The following ERO1B variants were observed in gnomAD, a reference collection of about 807,000 sequenced individuals.
ERO1B encodes endoplasmic reticulum oxidoreductase 1 beta, also known as ERO1-like protein beta.
In ERO1B, 49 loss-of-function variants were observed where a neutral mutation model predicts 75.3. The observed-to-expected ratio is 0.65, with a 90% CI of 0.52 to 0.83. The LOEUF (loss-of-function observed/expected upper bound fraction) is 0.83, where lower values mean the gene tolerates loss of function less well. Ranked by LOEUF, ERO1B falls within the 40% of genes least tolerant of loss-of-function variation. The pLI is 0.00. For missense variants in ERO1B, 512 were observed against 560.1 expected, an observed-to-expected ratio of 0.91 and a Z score of 0.87; for synonymous variants, 191 against 192.9, an observed-to-expected ratio of 0.99 and a Z score of 0.08.
At position 236,258,934 on chromosome 1, in the gene ERO1B, A is replaced by G. The variant is rs150649097; in HGVS notation, c.223-5429T>C. On this transcript the variant is annotated intron_variant, in intron 2 of 15. Coordinates refer to ENST00000354619, the MANE Select transcript of ERO1B (RefSeq NM_019891.4). ...ATTAGAAAACATAAAACTCACTAGT[A>G]AAAGTAAGCATACAAACTCAGAACA... 4.5e-3 allele frequency among the ~76,000 whole-genome samples: 690 copies of G among 152,312 alleles called. 6 individuals are homozygous for G. The highest frequency in any genetic ancestry group is 0.015 in the African/African-American group (642 of 41,568).
chr1:236,254,199 A>G (rs1223980116), intron 2 of ERO1B, among the ~76,000 whole-genome samples: 2 of 152,166 alleles, frequency 1.3e-5, no homozygotes, highest in Non-Finnish European at 2.9e-5. Context: ...GGATTTTCCT[A>G]TTCTACACAT....
intron 10 of ERO1B, among the ~76,000 whole-genome samples, chr1:236,227,949 T>C (rs1423980594): frequency 6.6e-6 from 1 of 152,234 alleles, no homozygotes; most frequent in African/African-American, 2.4e-5. Context: ...ATGTTTACGA[T>C]AACAATGGAT....
intron 6 of ERO1B, among the ~76,000 whole-genome samples, chr1:236,237,628 T>C (rs1340341629): frequency 6.6e-6 from 1 of 152,222 alleles, no homozygotes; most frequent in Non-Finnish European, 1.5e-5. Flanking sequence ...ATATGCTTAC[T>C]ACCGTTTGTT....
rs532595454 is a variant in ERO1B at position 236,257,591 on chromosome 1, T to C, written c.223-4086A>G. Among the ~76,000 whole-genome samples the C allele has an allele frequency of 2.8e-5, 4 of 144,030 alleles. No homozygotes were observed. The East Asian group carries it at 1.2e-3, about 42-fold the overall frequency. The allele number at this position is 144,030 out of a possible 152,430, so 94.5% of individuals were successfully genotyped here. A position where few individuals can be genotyped will look rare whatever the true frequency, so the allele number is the denominator to read the frequency against. On this transcript the variant is annotated intron_variant, in intron 2 of 15. Coordinates refer to ENST00000354619, the MANE Select transcript of ERO1B (RefSeq NM_019891.4). Reference sequence around the variant, plus strand: ...AAAAAAAGAACAAGACAATCTCAATTAGAAGCCAACCCTACTGAAAGGAAG... The same window carrying C: ...AAAAAAAGAACAAGACAATCTCAATCAGAAGCCAACCCTACTGAAAGGAAG...
At chr1:236,276,702 GAATA>G (rs1665716630) in intron 1 of ERO1B, among the ~76,000 whole-genome samples, 1 of 152,108 alleles carries the variant, frequency 6.6e-6, no homozygotes, top group South Asian at 2.1e-4. Flanking sequence ...AGCAAAGGAA[GAATA>G]AATTAAATCT....
At chr1:236,242,347 A>AGAGT (rs147504455) in intron 6 of ERO1B, among the ~76,000 whole-genome samples, 10,436 of 152,230 alleles carry the variant, frequency 0.069, 735 homozygotes, top group East Asian at 0.39. Context: ...AGCAAATGTG[A>AGAGT]AAGGAGAGGT....
chr1:236,239,603 C>T (rs1326171573), intron 6 of ERO1B, among the ~76,000 whole-genome samples: 1 of 151,824 alleles, frequency 6.6e-6, no homozygotes, highest in Non-Finnish European at 1.5e-5. Flanking sequence ...ATTTGTTCAA[C>T]TGAAACTTGT....
intron 9 of ERO1B, among the ~76,000 whole-genome samples, chr1:236,231,136 T>C (rs1235633051): frequency 1.3e-5 from 2 of 152,152 alleles, no homozygotes; most frequent in African/African-American, 4.8e-5. Context: ...CTAAAAATAT[T>C]TCCTCAATTT....
At chr1:236,248,411 GATTCAACA>G (rs1302350413) in intron 5 of ERO1B, among the ~76,000 whole-genome samples, 117 of 151,082 alleles carry the variant, frequency 7.7e-4, no homozygotes, top group African/African-American at 2.6e-3. Context: ...ACAATCCTAA[GATTCAACA>G]ATTCTACTTC....
intron 5 of ERO1B, among the ~76,000 whole-genome samples, chr1:236,247,854 G>A (rs1217826856): frequency 2.0e-5 from 3 of 152,052 alleles, no homozygotes; most frequent in Non-Finnish European, 4.4e-5. Flanking sequence ...TACCTGGAAT[G>A]CTCATCCCCC....
At chr1:236,268,833 C>T (rs558705241) in intron 2 of ERO1B, among the ~76,000 whole-genome samples, 11 of 152,166 alleles carry the variant, frequency 7.2e-5, no homozygotes, top group African/African-American at 2.2e-4. Context: ...TTGCAGTGAG[C>T]CGAGATCGCG....
chr1:236,246,152 T>C (rs1664881391), intron 5 of ERO1B, among the ~76,000 whole-genome samples: 1 of 152,118 alleles, frequency 6.6e-6, no homozygotes, highest in South Asian at 2.1e-4. Context: ...AATATACATA[T>C]GTATGTACCA....
At position 236,239,857 on chromosome 1, in the gene ERO1B, A is replaced by ATG. The variant is rs1553371273; in HGVS notation, c.506-3461_506-3460dup. ...TATGTGTATATATATATGTGTATAT[A>ATG]TGTATATATATATGTGTATATGTGT... On this transcript the variant is annotated intron_variant, in intron 6 of 15. Transcript: ENST00000354619. 2.4e-3 allele frequency among the ~76,000 whole-genome samples: 96 copies of ATG among 39,734 alleles called. 1 individual carries two copies. Among genetic ancestry groups the ATG allele is most frequent in the Non-Finnish European group, 2.6e-3 (53 of 20,080 alleles). 26.1% of individuals were successfully genotyped at this position (39,734 alleles called of 152,430 possible). A position where few individuals can be genotyped will look rare whatever the true frequency, so the allele number is the denominator to read the frequency against.
At chr1:236,250,944 A>G (rs1749590) in intron 4 of ERO1B, among the ~76,000 whole-genome samples, 37,735 of 151,946 alleles carry the variant, frequency 0.25, 4,875 homozygotes, top group East Asian at 0.38. Context: ...AAACTCTTAC[A>G]TGTGTGCACA....
At chr1:236,281,546 G>T in intron 1 of ERO1B, 136 bp downstream of exon 1, 2 of 559,542 alleles carry the variant, frequency 3.6e-6, no homozygotes, top group Non-Finnish European at 5.4e-6. Flanking sequence ...CTGCTCCCCG[G>T]GTTTTCTGCT....
chr1:236,224,054 A>G (rs1308503872), intron 13 of ERO1B, among the ~76,000 whole-genome samples: 1 of 152,174 alleles, frequency 6.6e-6, no homozygotes, highest in Admixed American at 6.5e-5. Context: ...CAGTACATGT[A>G]CTGTATATTA....
chr1:236,227,684 G>A (rs1665764720), intron 10 of ERO1B, among the ~76,000 whole-genome samples: 1 of 152,078 alleles, frequency 6.6e-6, no homozygotes, highest in Non-Finnish European at 1.5e-5. Context: ...TATGATGGGG[G>A]AAATTTTTTT....
chr1:236,260,033 A>T (rs11584042), intron 2 of ERO1B, among the ~76,000 whole-genome samples: 37,738 of 152,128 alleles, frequency 0.25, 4,876 homozygotes, highest in East Asian at 0.38. Context: ...GAAGTATCTT[A>T]TGTGACCACA....
rs1461437273 is a variant in ERO1B at position 236,236,301 on chromosome 1, G to A, written c.603C>T (p.Ser201=). The stretch of plus-strand genomic sequence containing the variant: ...ACTTGAAACAGTTCTCTTCATAGAT[G>A]CTGTTCCACACTCTCCATGCAGAGG... ...KGTSAWRVWN[S]IYEENCFKPR... The change falls in exon 7 of 16, where the codon AGC becomes AGT. Residue 201 remains serine, a synonymous_variant. Transcript: ENST00000354619. 6.3e-7 allele frequency: 1 copy of A among 1,598,894 alleles called. No individual in the cohort carries two copies. Among genetic ancestry groups the A allele is most frequent in the African/African-American group, 1.3e-5 (1 of 74,172 alleles).
Sources: allele counts gnomAD v4.1 joint callset (sites outside exome capture counted in the v4.1 genomes callset), GRCh38; gene constraint gnomAD v4.1.1; transcripts MANE v1.5; gene names NCBI Gene and HGNC (gene_info 2026-07-23, HGNC 2026-07-21).